The following ELF5 variants were observed in gnomAD, a reference collection of about 807,000 sequenced individuals.
ELF5 encodes E74 like ETS transcription factor 5.
In ELF5, 31 loss-of-function variants were observed where a neutral mutation model predicts 38.2. That is an observed-to-expected ratio of 0.81 (90% CI 0.61 to 1.10). ELF5 has a LOEUF of 1.10. Among genes scored for constraint, ELF5 ranks in the 50% least tolerant of loss-of-function variants. The probability of loss-of-function intolerance (pLI) is 0.00; values close to 1 mark genes in which losing one functional copy is unlikely to be tolerated. For synonymous variants in ELF5, 121 were observed against 112.5 expected (o/e 1.08, Z -0.48); for missense variants, 300 against 306.6 (o/e 0.98, Z 0.16).
chr11:34,502,622 G>A (rs958348971), intron 2 of ELF5, among the ~76,000 whole-genome samples: 1 of 152,240 alleles, frequency 6.6e-6, no homozygotes, highest in African/African-American at 2.4e-5. Flanking sequence ...ACCCAACTTC[G>A]ACCTTTTGGA....
Position 34,480,982 on chromosome 11 carries a change from A to G in ELF5, c.476-15T>C. On this transcript the variant is annotated splice_polypyrimidine_tract_variant and intron_variant, in intron 5 of 6. Transcript: ENST00000257832. ...ACTTTGGAGGCCTTTTGAAAAGGGG[A>G]AAACATTAACTATTTACCATTGTTT... 1 of 1,571,856 alleles carries G rather than the reference A, an allele frequency of 6.4e-7. No homozygotes were observed. The highest frequency in any genetic ancestry group is 1.2e-5 in the South Asian group (1 of 83,710).
At chr11:34,509,646 G>T (rs1850702988) in intron 1 of ELF5, among the ~76,000 whole-genome samples, 1 of 152,036 alleles carries the variant, frequency 6.6e-6, no homozygotes, top group African/African-American at 2.4e-5. Flanking sequence ...GATGCTGAGG[G>T]ATGGGGTGAG....
At chr11:34,505,794 T>G in intron 1 of ELF5, 41 bp from the exon 2 acceptor site, 7 of 1,602,376 alleles carry the variant, frequency 4.4e-6, no homozygotes, top group Non-Finnish European at 5.1e-6. Flanking sequence ...TGGGGTGAGG[T>G]ACTCCTGAAG....
In ELF5 at chr11:34,493,612, G is replaced by C. The variant is rs1303910970; in HGVS notation, c.222C>G (p.Thr74=). 6 of 1,614,168 alleles carry C rather than the reference G, an allele frequency of 3.7e-6. No individual in the cohort carries two copies. The highest frequency in any genetic ancestry group is 4.2e-6 in the Non-Finnish European group (5 of 1,180,044). Residue 74 remains threonine (T), a synonymous_variant, in exon 3 of 7, where the codon ACC becomes ACG. Coordinates refer to ENST00000257832, the MANE Select transcript of ELF5 (RefSeq NM_001422.4). The part of the protein sequence containing the change: ...QFCCDQYKLD[T]NCISFCNFNI... ...TGAAGTTGCAGAAGGAGATGCAATT[G>C]GTGTCCAACTTGTACTGGTCGCAGC...
At chr11:34,504,384 A>G (rs963649113) in intron 2 of ELF5, among the ~76,000 whole-genome samples, 1 of 150,584 alleles carries the variant, frequency 6.6e-6, no homozygotes, top group Non-Finnish European at 1.5e-5. Context: ...GATGAGGGTG[A>G]GAGATTTCAC....
At chr11:34,504,183 G>A (rs1850546475) in intron 2 of ELF5, among the ~76,000 whole-genome samples, 1 of 152,228 alleles carries the variant, frequency 6.6e-6, no homozygotes, top group Non-Finnish European at 1.5e-5. Flanking sequence ...GGGAAACATA[G>A]GGAGGGCACG....
In ELF5 at chr11:34,480,213, G is replaced by A; in HGVS notation, c.*5C>T. 1 of 1,612,254 alleles carries A rather than the reference G, an allele frequency of 6.2e-7. No homozygotes were observed. The highest frequency in any genetic ancestry group is 8.5e-7 in the Non-Finnish European group (1 of 1,178,372). On this transcript the variant is annotated 3_prime_UTR_variant, in exon 7 of 7. Coordinates refer to ENST00000257832, the MANE Select transcript of ELF5 (RefSeq NM_001422.4). ...CCATAAAATGAGCTTGATGCCTGGAGCAGATCATAGCTTGTCTTCCTGCCA... is the reference window on the plus strand; with the variant it reads ...CCATAAAATGAGCTTGATGCCTGGAACAGATCATAGCTTGTCTTCCTGCCA...
At chr11:34,488,861 A>T (rs931487857) in intron 4 of ELF5, among the ~76,000 whole-genome samples, 1 of 152,226 alleles carries the variant, frequency 6.6e-6, no homozygotes, top group African/African-American at 2.4e-5. Context: ...CAGGCTTCAC[A>T]GGCTCATTTC....
chr11:34,480,845 C>A lies in ELF5; in HGVS notation c.598G>T (p.Ala200Ser). The A allele has an allele frequency of 1.2e-6, 2 of 1,614,104 alleles. No individual in the cohort carries two copies. Among genetic ancestry groups the A allele is most frequent in the Non-Finnish European group, 1.7e-6 (2 of 1,180,020 alleles). Residue 200 changes from alanine to serine, a missense_variant, in exon 6 of 7, where the codon GCC becomes TCC. Physicochemically the swap from Ala to Ser is moderately conservative, Grantham distance 99. Coordinates refer to ENST00000257832, the MANE Select transcript of ELF5 (RefSeq NM_001422.4). ...CTTTGTCCCCACATCTTTGCCAGGG[C>A]TTCCGATTTAACCACCCGAAAAATT... ...QGIFRVVKSE[A>S]LAKMWGQRKK...
Position 34,490,057 on chromosome 11 carries a change from A to G in ELF5, c.358T>C (p.Tyr120His). 6.2e-7 allele frequency: 1 copy of G among 1,613,888 alleles called. No individual in the cohort carries two copies. Among genetic ancestry groups the G allele is most frequent in the Non-Finnish European group, 8.5e-7 (1 of 1,179,900 alleles). Residue 120 changes from tyrosine to histidine, a missense_variant and splice_region_variant, in exon 4 of 7, where the codon TAC (tyrosine) becomes CAC (histidine). By Grantham distance (83) the Tyr-to-His change is moderately conservative. Coordinates refer to ENST00000257832, the MANE Select transcript of ELF5 (RefSeq NM_001422.4). ...FILQNIRTQG[Y>H]SFFNDAEESK... ...TCTTCAGCGTCATTAAAAAAGGAGT[A>G]ACCTGGGAAAGAAAAAGAAATCCAG...
intron 4 of ELF5, 117 bp downstream of exon 4, chr11:34,489,892 A>G (rs754718283): frequency 8.1e-7 from 1 of 1,240,394 alleles, no homozygotes; most frequent in Non-Finnish European, 1.2e-6. Flanking sequence ...TGCTTTCTCC[A>G]GGTCTGGGAT....
rs776939783 is a variant in ELF5, at chr11:34,505,666, G to C, written c.84C>G (p.Ser28Arg). 1 of 1,614,068 alleles carries C rather than the reference G, an allele frequency of 6.2e-7. No individual in the cohort carries two copies. The highest frequency in any genetic ancestry group is 8.5e-7 in the Non-Finnish European group (1 of 1,179,978). Residue 28 changes from serine (S) to arginine (R), a missense_variant, in exon 2 of 7, where the codon AGC becomes AGG. Transcript: ENST00000257832. ...CAAAGGCAGGGTAGTACTCTTCATT[G>C]CTGAACAGATCAGTCCACGACATCA... ...DPLMSWTDLF[S>R]NEEYYPAFEH...
chr11:34,493,297 C>T (rs2133885057), intron 3 of ELF5, 182 bp downstream of exon 3: 1 of 648,002 alleles, frequency 1.5e-6, no homozygotes, highest in Non-Finnish European at 2.7e-6. Context: ...GTAACTCGCT[C>T]CCTTTTCCCT....
At chr11:34,503,275 C>T (rs949147270) in intron 2 of ELF5, among the ~76,000 whole-genome samples, 1 of 152,016 alleles carries the variant, frequency 6.6e-6, no homozygotes, top group African/African-American at 2.4e-5. Context: ...CCTCCTGTCT[C>T]AGCCTCCCGA....
chr11:34,508,041 T>A (rs532690300), intron 1 of ELF5, among the ~76,000 whole-genome samples: 7 of 152,346 alleles, frequency 4.6e-5, no homozygotes, highest in African/African-American at 1.7e-4. Flanking sequence ...GAAAACTTTA[T>A]ATTAGCAATA....
At chr11:34,486,598 G>A (rs1217214574) in intron 4 of ELF5, among the ~76,000 whole-genome samples, 1 of 152,184 alleles carries the variant, frequency 6.6e-6, no homozygotes, top group Non-Finnish European at 1.5e-5. Flanking sequence ...GTGTGAGTGT[G>A]CATAGCACAC....
chr11:34,480,404 G>GT, intron 6 of ELF5, 90 bp from the exon 7 acceptor site: 1 of 1,037,282 alleles, frequency 9.6e-7, no homozygotes, highest in Non-Finnish European at 1.5e-6. Context: ...TTCCTCTCAG[G>GT]TGACAAGGCT....
At position 34,480,215 on chromosome 11, in the gene ELF5, A is replaced by C. The variant is rs1354967609; in HGVS notation, c.*3T>G. 6.2e-7 allele frequency: 1 copy of C among 1,612,800 alleles called. No individual in the cohort carries two copies. The highest frequency in any genetic ancestry group is 1.3e-5 in the African/African-American group (1 of 74,918). ...ATAAAATGAGCTTGATGCCTGGAGC[A>C]GATCATAGCTTGTCTTCCTGCCACC... On this transcript the variant is annotated 3_prime_UTR_variant, in exon 7 of 7. Transcript: ENST00000257832.
chr11:34,499,078 G>A (rs770579642), intron 2 of ELF5, among the ~76,000 whole-genome samples: 89 of 150,602 alleles, frequency 5.9e-4, no homozygotes, highest in Non-Finnish European at 1.0e-3. Flanking sequence ...GTGATAGGAC[G>A]GAAACTCCAT....
Sources: gnomAD v4.1 joint callset for allele counts (sites outside exome capture counted in the v4.1 genomes callset) on GRCh38, gnomAD v4.1.1 for gene constraint, MANE v1.5 for transcripts, NCBI Gene and HGNC (gene_info 2026-07-23, HGNC 2026-07-21) for gene names.